NECAB1: variants seen among roughly 807,000 people sequenced by gnomAD.
NECAB1 encodes N-terminal EF-hand calcium-binding protein 1.
NECAB1 carries 29 observed loss-of-function variants against 57.5 expected under a neutral mutation model. The ratio of observed to expected loss-of-function variants is 0.50; its 90% CI spans 0.38 to 0.69. The LOEUF (loss-of-function observed/expected upper bound fraction) is 0.69, where lower values mean the gene tolerates loss of function less well. Among genes scored for constraint, NECAB1 ranks in the 30% least tolerant of loss-of-function variants. The pLI, the probability that NECAB1 is intolerant of heterozygous loss-of-function variation, is 0.00. For synonymous variants in NECAB1, 142 were observed against 147.7 expected (o/e 0.96, Z 0.28); for missense variants, 372 against 413.8 (o/e 0.90, Z 0.88).
intron 6 of NECAB1, 137 bp downstream of exon 6, chr8:90,917,765 A>ACTGGTTG (rs1040373770): frequency 2.7e-6 from 2 of 750,764 alleles, no homozygotes; most frequent in African/African-American, 3.7e-5. Context: ...AGTGACCTCC[A>ACTGGTTG]CTGGTTGCTT....
chr8:90,815,635 G>A (rs1012296974), intron 2 of NECAB1, among the ~76,000 whole-genome samples: 8 of 151,900 alleles, frequency 5.3e-5, no homozygotes, highest in Non-Finnish European at 1.2e-4. Flanking sequence ...TCATAAAATT[G>A]GAATCATATA....
chr8:90,868,751 G>C (rs1279127964), intron 3 of NECAB1, among the ~76,000 whole-genome samples: 1 of 152,200 alleles, frequency 6.6e-6, no homozygotes, highest in Non-Finnish European at 1.5e-5. Context: ...TAAAAGTTTA[G>C]AAAATTCTCA....
chr8:90,896,608 A>AAAAAAC (rs377294530), intron 5 of NECAB1, among the ~76,000 whole-genome samples: 54,076 of 149,904 alleles, frequency 0.36, 10,306 homozygotes, highest in East Asian at 0.64. Context: ...CCGTCTCAAA[A>AAAAAAC]AAAAACAAAA....
At chr8:90,909,145 C>G (rs779221375) in intron 5 of NECAB1, among the ~76,000 whole-genome samples, 4 of 152,202 alleles carry the variant, frequency 2.6e-5, no homozygotes, top group Non-Finnish European at 4.4e-5. Context: ...ATAGTGTGTT[C>G]TCCTGTCAAG....
At chr8:90,832,780 ATAT>A (rs1447344747) in intron 3 of NECAB1, among the ~76,000 whole-genome samples, 1 of 152,168 alleles carries the variant, frequency 6.6e-6, no homozygotes, top group Non-Finnish European at 1.5e-5. Flanking sequence ...AGTTACATCA[ATAT>A]TATGATTAAG....
At chr8:90,848,376 G>T (rs556405527) in intron 3 of NECAB1, among the ~76,000 whole-genome samples, 1 of 152,222 alleles carries the variant, frequency 6.6e-6, no homozygotes, top group South Asian at 2.1e-4. Context: ...ACATTTTCCT[G>T]TCTTCCTCTG....
intron 4 of NECAB1, among the ~76,000 whole-genome samples, chr8:90,875,881 G>A (rs1259748188): frequency 6.0e-5 from 9 of 149,232 alleles, no homozygotes; most frequent in African/African-American, 1.8e-4. Context: ...GTGGTGGCAG[G>A]CGCCTGTAGT....
At chr8:90,946,516 C>G (rs1283119790) in intron 10 of NECAB1, among the ~76,000 whole-genome samples, 1 of 152,208 alleles carries the variant, frequency 6.6e-6, no homozygotes, top group Non-Finnish European at 1.5e-5. Flanking sequence ...CTAGAGTAAG[C>G]ACAGTAACAG....
chr8:90,847,259 A>C (rs927002618), intron 3 of NECAB1, among the ~76,000 whole-genome samples: 1 of 152,252 alleles, frequency 6.6e-6, no homozygotes, highest in Non-Finnish European at 1.5e-5. Context: ...GGCAGTCATT[A>C]AATCTTAAAG....
At chr8:90,888,889 A>G (rs1162310887) in intron 5 of NECAB1, among the ~76,000 whole-genome samples, 2 of 152,168 alleles carry the variant, frequency 1.3e-5, no homozygotes. Context: ...GTGCAGGGTT[A>G]TTGAATTGAC....
chr8:90,917,277 A>G lies in NECAB1; in HGVS notation c.358-215A>G, dbSNP rs552759410. ...AGGCAGGTATATTGGGAGGCAAGAT[A>G]TTCCAGTCATTTCTGCAGCTTTTTT... On this transcript the variant is annotated intron_variant, in intron 5 of 12. Transcript: ENST00000417640. Among the ~76,000 whole-genome samples, 4 of 152,164 alleles carry G rather than the reference A, an allele frequency of 2.6e-5. No individual in the cohort carries two copies. In the East Asian group the frequency reaches 7.7e-4, roughly 29 times the overall value.
chr8:90,900,139 G>A (rs1364855550), intron 5 of NECAB1, among the ~76,000 whole-genome samples: 1 of 152,088 alleles, frequency 6.6e-6, no homozygotes, highest in Non-Finnish European at 1.5e-5. Context: ...CATTTCATTA[G>A]TAAAATAGGC....
chr8:90,896,615 A>AAAAACAAAAACT (rs1809345466), intron 5 of NECAB1, among the ~76,000 whole-genome samples: 1 of 150,914 alleles, frequency 6.6e-6, no homozygotes, highest in Admixed American at 6.6e-5. Flanking sequence ...AAAAAAAAAC[A>AAAAACAAAAACT]AAAACAAAAA....
chr8:90,906,440 C>T (rs1013562759), intron 5 of NECAB1, among the ~76,000 whole-genome samples: 1 of 152,108 alleles, frequency 6.6e-6, no homozygotes, highest in African/African-American at 2.4e-5. Flanking sequence ...AACCCCCTAC[C>T]TTGACTCATC....
At chr8:90,852,515 A>G (rs906542684) in intron 3 of NECAB1, among the ~76,000 whole-genome samples, 1 of 152,166 alleles carries the variant, frequency 6.6e-6, no homozygotes, top group Non-Finnish European at 1.5e-5. Flanking sequence ...CTGTGGCCCA[A>G]AATGAGAACC....
intron 7 of NECAB1, among the ~76,000 whole-genome samples, chr8:90,926,600 T>C (rs979392841): frequency 6.6e-6 from 1 of 152,182 alleles, no homozygotes; most frequent in Non-Finnish European, 1.5e-5. Flanking sequence ...ATTTGGGCAA[T>C]TTCAGTTGGA....
At chr8:90,918,254 C>T (rs905432310) in intron 6 of NECAB1, among the ~76,000 whole-genome samples, 8 of 151,692 alleles carry the variant, frequency 5.3e-5, no homozygotes, top group Admixed American at 3.3e-4. Context: ...TCAGATGATC[C>T]ACCCATCTTG....
At chr8:90,920,439 A>C (rs1586125768) in intron 6 of NECAB1, among the ~76,000 whole-genome samples, 1 of 152,334 alleles carries the variant, frequency 6.6e-6, no homozygotes, top group Non-Finnish European at 1.5e-5. Flanking sequence ...TGGGACCTTC[A>C]TCAGTGAGGA....
chr8:90,856,445 A>ACATTT (rs1314280380), intron 3 of NECAB1, among the ~76,000 whole-genome samples: 19 of 152,340 alleles, frequency 1.2e-4, no homozygotes, highest in Middle Eastern at 6.8e-3. Flanking sequence ...GGAGGATTAA[A>ACATTT]AACAAGATCA....
Sources: gnomAD v4.1 joint callset for allele counts (sites outside exome capture counted in the v4.1 genomes callset) on GRCh38, gnomAD v4.1.1 for gene constraint, MANE v1.5 for transcripts, NCBI Gene and HGNC (gene_info 2026-07-23, HGNC 2026-07-21) for gene names.